The following GAREM2 variants were observed in gnomAD, a reference collection of about 807,000 sequenced individuals.
GAREM2 encodes the protein GRB2-associated and regulator of MAPK protein 2.
GAREM2 carries 30 observed loss-of-function variants against 55.6 expected under a neutral mutation model. That is an observed-to-expected ratio of 0.54 (90% confidence interval 0.40 to 0.73). The LOEUF (loss-of-function observed/expected upper bound fraction) is 0.73, where lower values mean the gene tolerates loss of function less well. Ranked by LOEUF, GAREM2 falls within the 30% of genes least tolerant of loss-of-function variation. The probability of loss-of-function intolerance (pLI) is 0.00; values close to 1 mark genes in which losing one functional copy is unlikely to be tolerated. For missense variants in GAREM2, 1,075 were observed against 1,257.7 expected, an observed-to-expected ratio of 0.85 and a Z score of 2.20; for synonymous variants, 550 against 569.1, an observed-to-expected ratio of 0.97 and a Z score of 0.48.
chr2:26,187,771 G>C lies in GAREM2; in HGVS notation c.2139G>C (p.Glu713Asp). Residue 713 changes from glutamate (E) to aspartate (D), a missense_variant, in exon 6 of 6, where the codon GAG (glutamate) becomes GAC (aspartate). Physicochemically the swap from Glu to Asp is conservative, Grantham distance 45. Around this residue, in one of 6 missense-constraint regions of GAREM2, gnomAD observed 515 missense variants for 501.5 expected, o/e 1.03. Coordinates refer to ENST00000401533, the MANE Select transcript of GAREM2 (RefSeq NM_001168241.2). ...PFELGQGSSP[E>D]PELLRSQEPR... The stretch of plus-strand genomic sequence containing the variant: ...AGCTGGGGCAGGGCAGTTCTCCAGA[G>C]CCTGAGCTGCTGCGTTCTCAGGAGC... 6.9e-7 allele frequency: 1 copy of C among 1,447,252 alleles called. No homozygotes were observed. Among genetic ancestry groups the C allele is most frequent in the Non-Finnish European group, 9.1e-7 (1 of 1,095,210 alleles). 89.7% of individuals were successfully genotyped at this position (1,447,252 alleles called of 1,614,324 possible). A position where few individuals can be genotyped will look rare whatever the true frequency, so the allele number is the denominator to read the frequency against.
At position 26,189,544 on chromosome 2, in the gene GAREM2, C is replaced by A. The variant is rs868016299; in HGVS notation, c.*1287C>A. Reference sequence around the variant, plus strand: ...GGCTGCCTCAGCTCAGAGAAGTGGTCAGAGAGTAGAGCACAGAACCTGTGA... The same window carrying A: ...GGCTGCCTCAGCTCAGAGAAGTGGTAAGAGAGTAGAGCACAGAACCTGTGA... On this transcript the variant is annotated 3_prime_UTR_variant, in exon 6 of 6. Transcript: ENST00000401533. The A allele has an allele frequency of 2.6e-5, 4 of 152,218 alleles. No individual in the cohort carries two copies. The highest frequency in any genetic ancestry group is 9.6e-5 in the African/African-American group (4 of 41,456). The allele number at this position is 152,218 out of a possible 1,614,324, so 9.4% of individuals were successfully genotyped here.
At chr2:26,197,745 G>A in the GAREM2 span, 40 of 1,553,582 alleles carry the variant, frequency 2.6e-5, no homozygotes, top group South Asian at 4.1e-4. Context: ...GAGCAGATGT[G>A]TTACTGGCAA....
At chr2:26,183,125 G>T (rs1324492049) in intron 3 of GAREM2, 28 bp downstream of exon 3, 2 of 1,550,246 alleles carry the variant, frequency 1.3e-6, no homozygotes, top group East Asian at 4.9e-5. Flanking sequence ...CAGGTGTGGT[G>T]TCCCCACACT....
In GAREM2 at chr2:26,187,249, C is replaced by T; in HGVS notation, c.1617C>T (p.Gly539=). Residue 539 remains glycine (G), a synonymous_variant, in exon 6 of 6, where the codon GGC becomes GGT. Transcript: ENST00000401533. ...GLQDGAGSRS[G]SGSPSPDTYS... Reference sequence around the variant, plus strand: ...TCCACAGGGCGGGTTCCCGCAGTGGCAGTGGCTCCCCATCGCCGGACACCT... The same window carrying T: ...TCCACAGGGCGGGTTCCCGCAGTGGTAGTGGCTCCCCATCGCCGGACACCT... 1 of 1,452,152 alleles carries T rather than the reference C, an allele frequency of 6.9e-7. No homozygotes were observed. Among genetic ancestry groups the T allele is most frequent in the Non-Finnish European group, 9.1e-7 (1 of 1,096,658 alleles). The allele number at this position is 1,452,152 out of a possible 1,614,324, so 90.0% of individuals were successfully genotyped here. A position where few individuals can be genotyped will look rare whatever the true frequency, so the allele number is the denominator to read the frequency against.
chr2:26,197,318 C>G, the GAREM2 span, among the ~76,000 whole-genome samples: 2 of 152,168 alleles, frequency 1.3e-5, no homozygotes, highest in African/African-American at 2.4e-5. Flanking sequence ...CCTGCCATTC[C>G]CTGATCTGGA....
chr2:26,176,995 T>A (rs1301600937), intron 2 of GAREM2, among the ~76,000 whole-genome samples: 5 of 152,238 alleles, frequency 3.3e-5, no homozygotes, highest in Non-Finnish European at 7.3e-5. Context: ...TAAGTGAATA[T>A]TAAAAATTTT....
rs2147741636 is a variant in GAREM2 at position 26,187,448 on chromosome 2, A to G, written c.1816A>G (p.Lys606Glu). The G allele has an allele frequency of 1.3e-6, 2 of 1,548,538 alleles. No homozygotes were observed. The highest frequency in any genetic ancestry group is 2.4e-5 in the East Asian group (1 of 40,836). The change falls in exon 6 of 6, where the codon AAG (lysine) becomes GAG (glutamate). Residue 606 changes from lysine to glutamate, a missense_variant. Lys to Glu is a moderately conservative substitution (Grantham distance 56). Transcript: ENST00000401533. The stretch of plus-strand genomic sequence containing the variant: ...CCTTCTGGGGGCTGACACCCCTGTT[A>G]AGACCTACCACAGCTGCCCTCCTCT... ...ASLLGADTPV[K>E]TYHSCPPLFK...
the GAREM2 span, chr2:26,195,042 CTTA>C: frequency 6.2e-6 from 9 of 1,450,390 alleles, no homozygotes; most frequent in East Asian, 2.3e-5. Context: ...TAAAAGGAGT[CTTA>C]TTAGAACTTT....
chr2:26,190,735 C>T (rs1298233834), downstream of GAREM2: 2 of 199,292 alleles, frequency 1.0e-5, no homozygotes, highest in Admixed American at 5.3e-5. Flanking sequence ...CCCACCAGGT[C>T]CCACTTTCTC....
the GAREM2 span, chr2:26,199,177 T>G: frequency 6.6e-6 from 1 of 152,252 alleles, no homozygotes; most frequent in African/African-American, 2.4e-5. Context: ...ATTACAGGTG[T>G]GAGCCACAGT....
chr2:26,191,544 G>C, downstream of GAREM2: 1 of 1,614,142 alleles, frequency 6.2e-7, no homozygotes, highest in Non-Finnish European at 8.5e-7. Context: ...CTGCAGGTGT[G>C]GCCAAGATCC....
intron 5 of GAREM2, 53 bp downstream of exon 5, chr2:26,186,411 A>T: frequency 1.3e-6 from 2 of 1,505,406 alleles, no homozygotes; most frequent in East Asian, 4.9e-5. Context: ...CAAGGCAGGG[A>T]AGGGTGAGGA....
intron 1 of GAREM2, among the ~76,000 whole-genome samples, 166 bp from the exon 2 acceptor site, chr2:26,176,178 G>A (rs1335215313): frequency 6.6e-6 from 1 of 152,218 alleles, no homozygotes; most frequent in Non-Finnish European, 1.5e-5. Flanking sequence ...CCAGGCCCCA[G>A]CTGGCAGCCC....
chr2:26,193,125 CG>C (rs1368672521), downstream of GAREM2, among the ~76,000 whole-genome samples: 2 of 151,758 alleles, frequency 1.3e-5, no homozygotes, highest in Middle Eastern at 6.3e-3. Context: ...TGGTAAAGCC[CG>C]GATGCAGAGC....
At chr2:26,183,131 A>G in intron 3 of GAREM2, 34 bp downstream of exon 3, 1 of 1,548,688 alleles carries the variant, frequency 6.5e-7, no homozygotes, top group Non-Finnish European at 8.7e-7. Context: ...TGGTGTCCCC[A>G]CACTACTCCT....
intron 1 of GAREM2, among the ~76,000 whole-genome samples, chr2:26,175,535 T>G (rs964448033): frequency 4.6e-5 from 7 of 151,674 alleles, no homozygotes; most frequent in Non-Finnish European, 1.0e-4. Context: ...GGTTGGGGGT[T>G]TCTGGGGACT....
intron 2 of GAREM2, among the ~76,000 whole-genome samples, chr2:26,178,420 C>G (rs1276395415): frequency 6.6e-6 from 1 of 151,628 alleles, no homozygotes; most frequent in Non-Finnish European, 1.5e-5. Flanking sequence ...ACCCCCCCCC[C>G]CAACAACAAA....
downstream of GAREM2, chr2:26,191,643 A>C: frequency 6.2e-7 from 1 of 1,613,762 alleles, no homozygotes; most frequent in Non-Finnish European, 8.5e-7. Context: ...CAACAGAAAG[A>C]GATGTTTAGG....
intron 3 of GAREM2, among the ~76,000 whole-genome samples, 193 bp downstream of exon 3, chr2:26,183,290 C>T (rs1169287146): frequency 6.6e-6 from 1 of 152,202 alleles, no homozygotes; most frequent in Non-Finnish European, 1.5e-5. Flanking sequence ...GAAGGACTTC[C>T]TATGAAAGGT....
Sources: gnomAD v4.1 joint callset for allele counts (sites outside exome capture counted in the v4.1 genomes callset) on GRCh38, gnomAD v4.1.1 for gene constraint, gnomAD v4.1.1 regional missense constraint, MANE v1.5 for transcripts, NCBI Gene and HGNC (gene_info 2026-07-23, HGNC 2026-07-21) for gene names.